Variants in GHR observed in about 807,000 individuals in gnomAD.
The protein encoded by GHR is growth hormone receptor.
Under a neutral mutation model 67.1 loss-of-function variants are expected in GHR, and 35 were observed. The ratio of observed to expected loss-of-function variants is 0.52; its 90% CI spans 0.40 to 0.69. The LOEUF (loss-of-function observed/expected upper bound fraction) is 0.69, where lower values mean the gene tolerates loss of function less well. GHR is among the 30% of genes least tolerant of loss of function. The pLI, the probability that GHR is intolerant of heterozygous loss-of-function variation, is 0.00. For missense variants in GHR, 792 were observed against 764.6 expected (o/e 1.04, Z -0.42); for synonymous variants, 272 against 269.1 (o/e 1.01, Z -0.10).
At position 42,673,158 on chromosome 5, in the gene GHR, T is replaced by C. The variant is rs1461177896; in HGVS notation, c.137-15732T>C. Among the ~76,000 whole-genome samples, 4 of 152,030 alleles carry C rather than the reference T, an allele frequency of 2.6e-5. No individual in the cohort carries two copies. In the East Asian group the frequency reaches 7.7e-4, roughly 29 times the overall value. On this transcript the variant is annotated intron_variant, in intron 3 of 9. Transcript: ENST00000230882. ...TAAACAGCTAACAAACATGAAAAAA[T>C]GTCTCACATCACTAATCATCAGAGA...
intron 1 of GHR, among the ~76,000 whole-genome samples, chr5:42,563,515 G>A (rs1749738036): frequency 6.6e-6 from 1 of 151,600 alleles, no homozygotes; most frequent in African/African-American, 2.4e-5. Flanking sequence ...CTACTCGGGA[G>A]GCTGAGGCAG....
chr5:42,456,939 T>C (rs965689449), intron 1 of GHR, among the ~76,000 whole-genome samples: 20 of 152,170 alleles, frequency 1.3e-4, no homozygotes, highest in African/African-American at 4.8e-4. Flanking sequence ...GGAAGAGGAC[T>C]TAATTCATTT....
intron 1 of GHR, among the ~76,000 whole-genome samples, chr5:42,501,581 C>A (rs906498263): frequency 2.0e-5 from 3 of 152,142 alleles, no homozygotes; most frequent in Non-Finnish European, 2.9e-5. Flanking sequence ...GTTCTTGGGG[C>A]TACCCTGTGC....
At chr5:42,427,632 C>G (rs1742911460) in intron 1 of GHR, among the ~76,000 whole-genome samples, 1 of 151,922 alleles carries the variant, frequency 6.6e-6, no homozygotes, top group Non-Finnish European at 1.5e-5. Context: ...CAACAGTCCC[C>G]CAAAGTCTTA....
chr5:42,576,144 A>AAAATAAAAAAAAT (rs926602851), intron 2 of GHR, among the ~76,000 whole-genome samples: 1 of 88,894 alleles, frequency 1.1e-5, no homozygotes, highest in African/African-American at 4.8e-5. Context: ...AAAATAAAAT[A>AAAATAAAAAAAAT]GTAAAGTAAA....
intron 3 of GHR, among the ~76,000 whole-genome samples, chr5:42,676,320 C>A (rs972915946): frequency 6.6e-6 from 1 of 152,020 alleles, no homozygotes; most frequent in South Asian, 2.1e-4. Context: ...CAGGTGAGAA[C>A]TTGTGAATTT....
At chr5:42,594,010 G>A (rs1260204859) in intron 2 of GHR, among the ~76,000 whole-genome samples, 1 of 152,148 alleles carries the variant, frequency 6.6e-6, no homozygotes, top group Non-Finnish European at 1.5e-5. Flanking sequence ...CCATTGCAGT[G>A]CTCAAATGAC....
intron 3 of GHR, among the ~76,000 whole-genome samples, chr5:42,665,103 T>G (rs1222826047): frequency 6.6e-6 from 1 of 152,196 alleles, no homozygotes; most frequent in Non-Finnish European, 1.5e-5. Context: ...AAACAACAGG[T>G]GCTGGATAGG....
At chr5:42,552,359 G>A (rs1312167617) in intron 1 of GHR, among the ~76,000 whole-genome samples, 1 of 152,082 alleles carries the variant, frequency 6.6e-6, no homozygotes, top group Non-Finnish European at 1.5e-5. Flanking sequence ...GTCTGTTGTA[G>A]ATTTTGACCT....
At chr5:42,555,195 TAGCTCTTGA>T in intron 1 of GHR, among the ~76,000 whole-genome samples, 1 of 152,190 alleles carries the variant, frequency 6.6e-6, no homozygotes, top group East Asian at 1.9e-4. Flanking sequence ...GCACACTGCA[TAGCTCTTGA>T]GTAATGTACC....
intron 3 of GHR, among the ~76,000 whole-genome samples, chr5:42,630,919 G>C (rs1213407770): frequency 7.3e-6 from 1 of 136,932 alleles, no homozygotes; most frequent in Non-Finnish European, 1.6e-5. Flanking sequence ...GGGTGTTTTG[G>C]GCCAAAAGGT....
At chr5:42,674,568 A>T (rs1338792635) in intron 3 of GHR, among the ~76,000 whole-genome samples, 1 of 152,080 alleles carries the variant, frequency 6.6e-6, no homozygotes, top group Non-Finnish European at 1.5e-5. Flanking sequence ...TCTGTATGTG[A>T]CTATTCTTAA....
At chr5:42,471,691 T>C (rs931295195) in intron 1 of GHR, among the ~76,000 whole-genome samples, 1 of 152,232 alleles carries the variant, frequency 6.6e-6, no homozygotes, top group Non-Finnish European at 1.5e-5. Flanking sequence ...CCTAGAACTG[T>C]AGCTGGTCTG....
At position 42,565,857 on chromosome 5, in the gene GHR, A is replaced by C. The variant is rs1258068500; in HGVS notation, c.-11-7A>C. On this transcript the variant is annotated splice_polypyrimidine_tract_variant and splice_region_variant and intron_variant, in intron 1 of 9. Transcript: ENST00000230882. ...TGGGCTTTACCTTACCCTTTTTGTG[A>C]TTGCAGGTCCTACAGGTATGGATCT... 3.7e-6 allele frequency: 6 copies of C among 1,613,922 alleles called. No homozygotes were observed. Among genetic ancestry groups the C allele is most frequent in the Non-Finnish European group, 5.1e-6 (6 of 1,179,844 alleles).
intron 6 of GHR, among the ~76,000 whole-genome samples, chr5:42,709,932 C>T (rs1018965600): frequency 1.3e-5 from 2 of 151,792 alleles, no homozygotes; most frequent in Admixed American, 1.3e-4. Context: ...AAGAGAGGAC[C>T]ACAACTTGAA....
chr5:42,467,759 G>T, intron 1 of GHR: 2 of 1,547,140 alleles, frequency 1.3e-6, no homozygotes, highest in Non-Finnish European at 1.8e-6. Context: ...TGCACAACGA[G>T]GTTTGCACTC....
At chr5:42,711,494 T>TGA in intron 7 of GHR, 122 bp downstream of exon 7, 1 of 734,868 alleles carries the variant, frequency 1.4e-6, no homozygotes. Context: ...GATATCAGGA[T>TGA]GAGAGACCTT....
intron 1 of GHR, among the ~76,000 whole-genome samples, chr5:42,474,338 A>AAAGAAAG (rs370296727): frequency 1.1e-4 from 4 of 35,248 alleles, no homozygotes; most frequent in African/African-American, 1.8e-4. Flanking sequence ...AGAAAGAAAG[A>AAAGAAAG]AAAGAAATAA....
intron 1 of GHR, among the ~76,000 whole-genome samples, chr5:42,497,461 T>A (rs1746367491): frequency 6.6e-6 from 1 of 152,236 alleles, no homozygotes; most frequent in South Asian, 2.1e-4. Context: ...TATTACCAAG[T>A]GTTTCTTGTT....
Sources: allele counts gnomAD v4.1 joint callset (sites outside exome capture counted in the v4.1 genomes callset), GRCh38; gene constraint gnomAD v4.1.1; transcripts MANE v1.5; gene names NCBI Gene and HGNC (gene_info 2026-07-23, HGNC 2026-07-21).